Variants in SGCZ observed in about 807,000 individuals in gnomAD.
SGCZ encodes the protein sarcoglycan zeta.
Under a neutral mutation model 41.3 loss-of-function variants are expected in SGCZ, and 40 were observed. The ratio of observed to expected loss-of-function variants is 0.97; its 90% CI spans 0.75 to 1.26. SGCZ has a LOEUF of 1.26. SGCZ is among the 50% of genes most tolerant of loss of function. The pLI is 0.00. For missense variants in SGCZ, 552 were observed against 369.8 expected (o/e 1.49, Z -4.04); for synonymous variants, 206 against 137.5 (o/e 1.50, Z -3.49).
intron 1 of SGCZ, among the ~76,000 whole-genome samples, chr8:14,615,699 T>C (rs1362239892): frequency 2.6e-5 from 4 of 152,146 alleles, no homozygotes; most frequent in African/African-American, 9.7e-5. Flanking sequence ...GAAATGTCCT[T>C]AAATAAAGCA....
At chr8:15,137,136 T>C (rs1034181986) in intron 1 of SGCZ, among the ~76,000 whole-genome samples, 33 of 152,232 alleles carry the variant, frequency 2.2e-4, no homozygotes, top group African/African-American at 7.2e-4. Flanking sequence ...ATAAGGAACT[T>C]GTTAGGAAGT....
At position 14,676,474 on chromosome 8, in the gene SGCZ, G is replaced by A. The variant is rs190405232; in HGVS notation, c.40-121548C>T. On this transcript the variant is annotated intron_variant, in intron 1 of 7. Coordinates refer to ENST00000382080, the MANE Select transcript of SGCZ (RefSeq NM_139167.4). Reference sequence around the variant, plus strand: ...TTCGAGGCTGTGATGAGGTATGATTGTGCTATGGCACTTCAGCCTGGAGAC... The same window carrying A: ...TTCGAGGCTGTGATGAGGTATGATTATGCTATGGCACTTCAGCCTGGAGAC... 1.3e-5 allele frequency among the ~76,000 whole-genome samples: 2 copies of A among 152,102 alleles called. 1 individual carries two copies. Among genetic ancestry groups the A allele is most frequent in the Non-Finnish European group, 2.9e-5 (2 of 68,020 alleles).
intron 2 of SGCZ, among the ~76,000 whole-genome samples, chr8:14,446,290 T>A (rs979955269): frequency 2.6e-5 from 4 of 152,190 alleles, no homozygotes; most frequent in Non-Finnish European, 4.4e-5. Context: ...CTGCTGTCAC[T>A]CACCAAAGCT....
At chr8:14,720,912 GTT>G (rs3069629) in intron 1 of SGCZ, among the ~76,000 whole-genome samples, 109,957 of 151,142 alleles carry the variant, frequency 0.73, 40,156 homozygotes, top group Admixed American at 0.77. Flanking sequence ...CATGGAAACT[GTT>G]TTTTTTTTAA....
intron 1 of SGCZ, among the ~76,000 whole-genome samples, chr8:14,617,046 G>GA (rs746645102): frequency 2.6e-5 from 4 of 151,936 alleles, no homozygotes; most frequent in African/African-American, 4.8e-5. Context: ...ATTAGGAAGA[G>GA]AAAAAAATCT....
chr8:15,205,182 C>T (rs900797631), intron 1 of SGCZ, among the ~76,000 whole-genome samples: 18 of 151,936 alleles, frequency 1.2e-4, no homozygotes, highest in African/African-American at 2.9e-4. Flanking sequence ...AATACCACCC[C>T]GAACATAGGA....
At chr8:15,162,919 G>A (rs1799556171) in intron 1 of SGCZ, among the ~76,000 whole-genome samples, 1 of 152,198 alleles carries the variant, frequency 6.6e-6, no homozygotes, top group African/African-American at 2.4e-5. Flanking sequence ...TAGGGAAAAT[G>A]AAGATGAAAG....
chr8:14,251,746 A>T (rs73519405), intron 3 of SGCZ, among the ~76,000 whole-genome samples: 6 of 152,066 alleles, frequency 3.9e-5, no homozygotes, highest in Admixed American at 3.3e-4. Context: ...AAAAAATTCC[A>T]TTATGTTAAA....
intron 1 of SGCZ, among the ~76,000 whole-genome samples, chr8:15,147,724 G>C (rs1005896171): frequency 6.6e-6 from 1 of 152,182 alleles, no homozygotes; most frequent in African/African-American, 2.4e-5. Context: ...AGAAGGCCCA[G>C]GTAGAATCCC....
At chr8:14,536,075 C>T (rs747810323) in intron 2 of SGCZ, among the ~76,000 whole-genome samples, 4 of 151,782 alleles carry the variant, frequency 2.6e-5, no homozygotes, top group Admixed American at 6.6e-5. Context: ...ATATTAAACA[C>T]ATTCAAAATA....
intron 1 of SGCZ, among the ~76,000 whole-genome samples, chr8:15,181,440 T>C (rs924929121): frequency 6.6e-5 from 10 of 152,100 alleles, no homozygotes; most frequent in East Asian, 5.8e-4. Context: ...TCCCATGAAA[T>C]TGAGAAGTCT....
At chr8:14,984,916 T>A (rs999213373) in intron 1 of SGCZ, among the ~76,000 whole-genome samples, 12 of 112,696 alleles carry the variant, frequency 1.1e-4, no homozygotes, top group Non-Finnish European at 1.9e-4. Flanking sequence ...TTGTGCCACC[T>A]TCATAACTTT....
At chr8:14,121,140 C>T (rs1802684523) in intron 5 of SGCZ, among the ~76,000 whole-genome samples, 1 of 152,038 alleles carries the variant, frequency 6.6e-6, no homozygotes, top group Non-Finnish European at 1.5e-5. Context: ...CTCACGGAAA[C>T]TCAACTTAAT....
At chr8:14,179,450 C>G (rs1804651835) in intron 4 of SGCZ, among the ~76,000 whole-genome samples, 1 of 152,180 alleles carries the variant, frequency 6.6e-6, no homozygotes, top group South Asian at 2.1e-4. Flanking sequence ...TTTTCAGGAG[C>G]TACCACAAGG....
chr8:14,791,304 T>C (rs776371473), intron 1 of SGCZ, among the ~76,000 whole-genome samples: 1 of 152,058 alleles, frequency 6.6e-6, no homozygotes, highest in Admixed American at 6.6e-5. Flanking sequence ...TATTCTGACA[T>C]TGAGCACATA....
chr8:15,194,560 C>T (rs897762183), intron 1 of SGCZ, among the ~76,000 whole-genome samples: 6 of 152,034 alleles, frequency 3.9e-5, no homozygotes, highest in African/African-American at 1.4e-4. Flanking sequence ...CCAAGTGGGC[C>T]AATGGAATCA....
rs1042233986 is a variant in SGCZ at position 14,128,009 on chromosome 8, G to T, written c.548-19774C>A. ...TATCATTTAGCTCCCACTTATAAGT[G>T]AGAATATACGGTATTTGGTTTTCTG... On this transcript the variant is annotated intron_variant, in intron 5 of 7. Coordinates refer to ENST00000382080, the MANE Select transcript of SGCZ (RefSeq NM_139167.4). Among the ~76,000 whole-genome samples the T allele has an allele frequency of 2.0e-5, 3 of 152,234 alleles. No individual in the cohort carries two copies. In the East Asian group the frequency reaches 5.8e-4, roughly 29 times the overall value.
At chr8:15,233,483 T>C (rs1377926817) in intron 1 of SGCZ, among the ~76,000 whole-genome samples, 1 of 152,070 alleles carries the variant, frequency 6.6e-6, no homozygotes, top group African/African-American at 2.4e-5. Flanking sequence ...TATGTATTTT[T>C]TGCTGTATTA....
chr8:14,233,593 T>TATAC (rs1806649515), intron 4 of SGCZ, among the ~76,000 whole-genome samples: 1 of 99,652 alleles, frequency 1.0e-5, no homozygotes, highest in Non-Finnish European at 2.7e-5. Context: ...CTATATAAAA[T>TATAC]ATAGATATAT....
Sources: allele counts gnomAD v4.1 joint callset (sites outside exome capture counted in the v4.1 genomes callset), GRCh38; gene constraint gnomAD v4.1.1; transcripts MANE v1.5; gene names NCBI Gene and HGNC (gene_info 2026-07-23, HGNC 2026-07-21).